Variants in MYH16 observed in about 807,000 individuals in gnomAD.
The protein encoded by MYH16 is myosin heavy chain 16, also known as putative uncharacterized protein MYH16.
chr7:99,310,034 TA>T (rs952067145), downstream of MYH16, among the ~76,000 whole-genome samples: 4 of 149,110 alleles, frequency 2.7e-5, no homozygotes, highest in African/African-American at 7.4e-5. Context: ...AATAAAAAAA[TA>T]AAAAAAAACT....
chr7:99,309,739 A>G (rs1374416241), downstream of MYH16, among the ~76,000 whole-genome samples: 1 of 152,192 alleles, frequency 6.6e-6, no homozygotes, highest in African/African-American at 2.4e-5. Context: ...ACCTGGTACA[A>G]TTGCTCTGTC....
Position 99,289,973 on chromosome 7 carries a change from C to G in MYH16, n.3824+569C>G, listed in dbSNP as rs183793882. Among the ~76,000 whole-genome samples the G allele has an allele frequency of 2.6e-5, 4 of 152,202 alleles. No homozygotes were observed. The East Asian group carries it at 7.7e-4, about 29-fold the overall frequency. Reference sequence around the variant, plus strand: ...GTCATACAGGTGCATCTTTGCATCTCTATAACAAAAATAATTGGCAATTTA... The same window carrying G: ...GTCATACAGGTGCATCTTTGCATCTGTATAACAAAAATAATTGGCAATTTA... On this transcript the variant is annotated intron_variant and non_coding_transcript_variant, in intron 30 of 41. Transcript: ENST00000439784.
At chr7:99,251,140 C>A in exon 6 of MYH16, 1 of 222,532 alleles carries the variant, frequency 4.5e-6, no homozygotes. Flanking sequence ...GTGCTGGAGG[C>A]CTTTGGGAAC....
At chr7:99,303,881 A>G (rs915379139) in intron 39 of MYH16, among the ~76,000 whole-genome samples, 6 of 152,182 alleles carry the variant, frequency 3.9e-5, no homozygotes, top group Non-Finnish European at 1.5e-5. Flanking sequence ...GGATGAGCCC[A>G]GGGACGCAGA....
intron 21 of MYH16, among the ~76,000 whole-genome samples, chr7:99,277,941 GAC>G (rs60001025): frequency 0.049 from 6,209 of 127,108 alleles, 154 homozygotes; most frequent in African/African-American, 0.12. Flanking sequence ...GAGAGAGACA[GAC>G]AGACAGACAG....
chr7:99,287,713 C>A (rs1005008015), intron 28 of MYH16, 179 bp from the exon 10 acceptor site: 4 of 355,462 alleles, frequency 1.1e-5, no homozygotes, highest in Non-Finnish European at 2.2e-5. Context: ...ACACACAACA[C>A]CTCTAAACAA....
chr7:99,269,012 CCA>C (rs1028805076), intron 18 of MYH16, among the ~76,000 whole-genome samples: 14 of 152,208 alleles, frequency 9.2e-5, no homozygotes, highest in Non-Finnish European at 2.1e-4. Context: ...AGTGACTTAA[CCA>C]CAGTCAGACA....
At chr7:99,266,776 C>G (rs575477628) in intron 17 of MYH16, 1 of 152,676 alleles carries the variant, frequency 6.5e-6, no homozygotes, top group African/African-American at 2.4e-5. Flanking sequence ...CAAAGACCAG[C>G]GGATAACCGC....
intron 6 of MYH16, among the ~76,000 whole-genome samples, chr7:99,251,530 T>C (rs945750219): frequency 3.3e-5 from 5 of 152,234 alleles, no homozygotes; most frequent in African/African-American, 9.6e-5. Flanking sequence ...ATTTTTCAAT[T>C]GTGCGAAAAC....
At chr7:99,246,206 T>TAA (rs111736161) in intron 2 of MYH16, among the ~76,000 whole-genome samples, 75 of 100,624 alleles carry the variant, frequency 7.5e-4, no homozygotes, top group Middle Eastern at 0.013. Flanking sequence ...GCTCTGTCTC[T>TAA]AAAAAAAAAA....
chr7:99,283,717 C>T lies in MYH16; in HGVS notation n.3079+66C>T, dbSNP rs527531962. On this transcript the variant is annotated intron_variant and non_coding_transcript_variant, in intron 24 of 41. Coordinates refer to ENST00000439784, the Ensembl canonical transcript of MYH16. ...CAGATCCCTCTGGGGGCACGGGGTCCGAAGATTAGTTTTGAGAACTGGACC... is the reference window on the plus strand; with the variant it reads ...CAGATCCCTCTGGGGGCACGGGGTCTGAAGATTAGTTTTGAGAACTGGACC... The T allele has an allele frequency of 1.1e-5, 5 of 454,064 alleles. No homozygotes were observed. The East Asian group carries it at 2.8e-4, about 25-fold the overall frequency. 28.1% of individuals were successfully genotyped at this position (454,064 alleles called of 1,614,324 possible). A position where few individuals can be genotyped will look rare whatever the true frequency, so the allele number is the denominator to read the frequency against.
intron 30 of MYH16, chr7:99,290,836 A>G (rs1010888148): frequency 6.6e-6 from 1 of 151,692 alleles, no homozygotes. Context: ...TCCCCATTTG[A>G]TGGATAAGAA....
At chr7:99,298,368 G>A (rs964361998) in intron 36 of MYH16, among the ~76,000 whole-genome samples, 1 of 152,068 alleles carries the variant, frequency 6.6e-6, no homozygotes, top group East Asian at 1.9e-4. Context: ...AAGTAGCTGG[G>A]ATCACAGGCA....
intron 19 of MYH16, among the ~76,000 whole-genome samples, chr7:99,271,529 T>C (rs534931384): frequency 6.6e-6 from 1 of 151,854 alleles, no homozygotes; most frequent in Admixed American, 6.6e-5. Context: ...AAAAGAACCC[T>C]GTCTCTCAGA....
At chr7:99,300,521 G>A (rs564838439) in intron 37 of MYH16, among the ~76,000 whole-genome samples, 2 of 152,258 alleles carry the variant, frequency 1.3e-5, no homozygotes, top group African/African-American at 4.8e-5. Context: ...ACAAGACAAT[G>A]CTGGACACAT....
chr7:99,283,363 C>T (rs1459601319), intron 23 of MYH16, among the ~76,000 whole-genome samples: 1 of 152,234 alleles, frequency 6.6e-6, no homozygotes, highest in African/African-American at 2.4e-5. Flanking sequence ...AAGCAATTGA[C>T]CTCCCTGATG....
chr7:99,285,835 T>C (rs1792269360), intron 27 of MYH16, among the ~76,000 whole-genome samples: 2 of 152,180 alleles, frequency 1.3e-5, no homozygotes, highest in Admixed American at 1.3e-4. Context: ...GAGCAGAGCA[T>C]GGAGGGAGGC....
chr7:99,302,752 G>A (rs1792619408), intron 38 of MYH16, among the ~76,000 whole-genome samples: 1 of 151,588 alleles, frequency 6.6e-6, no homozygotes, highest in African/African-American at 2.4e-5. Context: ...GTGGTGGTGT[G>A]CATCTGTAGT....
intron 3 of MYH16, among the ~76,000 whole-genome samples, chr7:99,248,277 T>G (rs59076200): frequency 0.099 from 15,069 of 152,172 alleles, 1,019 homozygotes; most frequent in African/African-American, 0.19. Flanking sequence ...AATTTTTGTA[T>G]TATTAGTAGA....
Sources: gnomAD v4.1 joint callset for allele counts (sites outside exome capture counted in the v4.1 genomes callset) on GRCh38, gnomAD v4.1.1 for gene constraint, MANE v1.5 for transcripts, NCBI Gene and HGNC (gene_info 2026-07-23, HGNC 2026-07-21) for gene names.